CELSR1: variants seen among roughly 807,000 people sequenced by gnomAD.
CELSR1 encodes the protein cadherin EGF LAG seven-pass G-type receptor 1, also known as adhesion G protein-coupled receptor C1.
CELSR1 carries 110 observed loss-of-function variants against 249.1 expected under a neutral mutation model. The ratio of observed to expected loss-of-function variants is 0.44; its 90% CI spans 0.38 to 0.52. CELSR1 has a LOEUF of 0.52. CELSR1 is among the 20% of genes least tolerant of loss of function. The pLI is 0.00. For synonymous variants in CELSR1, 2,113 were observed against 1,900.0 expected (o/e 1.11, Z -2.92); for missense variants, 4,109 against 4,296.4 (o/e 0.96, Z 1.22).
chr22:46,441,769 A>AT lies in CELSR1; in HGVS notation c.4184-2359dup, dbSNP rs2079752725. Among the ~76,000 whole-genome samples, 1 of 152,204 alleles carries AT rather than the reference A, an allele frequency of 6.6e-6. No individual in the cohort carries two copies. On this transcript the variant is annotated intron_variant, in intron 2 of 34. Transcript: ENST00000674500. The surrounding 1 kb of genome is among the most constrained non-coding windows in gnomAD (Gnocchi z 6.1). ...GCATAGGGCTTCAATGTAGAAATTTATGAGGGCACCATTCTGTCCAGAGCA... is the reference window on the plus strand; with the variant it reads ...GCATAGGGCTTCAATGTAGAAATTTATTGAGGGCACCATTCTGTCCAGAGCA...
rs2078852768 is a variant in CELSR1, at chr22:46,371,678, T to C, written c.7759+1205A>G. 3.4e-5 allele frequency among the ~76,000 whole-genome samples: 5 copies of C among 146,414 alleles called. No homozygotes were observed. In the South Asian group the frequency reaches 1.1e-3, roughly 33 times the overall value. ...ACTCATCTCTCCATCCCTCCAACCA[T>C]CCTATTCATATCCACTGACTTATCC... On this transcript the variant is annotated intron_variant, in intron 25 of 34. Coordinates refer to ENST00000674500, the MANE Select transcript of CELSR1 (RefSeq NM_001378328.1).
chr22:46,413,391 A>G lies in CELSR1; in HGVS notation c.4612-1632T>C, dbSNP rs1312188927. On this transcript the variant is annotated intron_variant, in intron 5 of 34. Transcript: ENST00000674500. This position sits in a 1 kb window ranked among gnomAD's most constrained non-coding sequence, Gnocchi z 4.7. The stretch of plus-strand genomic sequence containing the variant: ...TGCAGTGGGCAGCCTGCACAACTGT[A>G]TGTGGCCACCCCAGCTGAGGCTTCT... Among the ~76,000 whole-genome samples the G allele has an allele frequency of 6.6e-6, 1 of 152,170 alleles. No individual in the cohort carries two copies. The highest frequency in any genetic ancestry group is 1.5e-5 in the Non-Finnish European group (1 of 68,018).
Position 46,434,011 on chromosome 22 carries a change from T to G in CELSR1, c.4523-530A>C, listed in dbSNP as rs890609956. Among the ~76,000 whole-genome samples the G allele has an allele frequency of 6.6e-6, 1 of 152,172 alleles. No homozygotes were observed. Among genetic ancestry groups the G allele is most frequent in the Non-Finnish European group, 1.5e-5 (1 of 68,042 alleles). The stretch of plus-strand genomic sequence containing the variant: ...TTCCTTTTCTAAATATGAAAAAATA[T>G]AAACACGGAAAACCCATCTGTCTGT... On this transcript the variant is annotated intron_variant, in intron 4 of 34. Coordinates refer to ENST00000674500, the MANE Select transcript of CELSR1 (RefSeq NM_001378328.1). This position sits in a 1 kb window ranked among gnomAD's most constrained non-coding sequence, Gnocchi z 4.9.
chr22:46,467,039 A>T (rs1342368235), intron 1 of CELSR1, among the ~76,000 whole-genome samples: 1 of 152,202 alleles, frequency 6.6e-6, no homozygotes, highest in Admixed American at 6.6e-5. Context: ...GAACTGTAAG[A>T]AAACAAGTGT....
intron 9 of CELSR1, among the ~76,000 whole-genome samples, chr22:46,403,971 CAAAAAAAAAA>C (rs756055741): frequency 2.1e-5 from 1 of 48,426 alleles, no homozygotes; most frequent in Non-Finnish European, 4.7e-5. Context: ...AACTCCGTCT[CAAAAAAAAAA>C]AAAAAAAAAG....
At chr22:46,424,126 G>A (rs2079511420) in intron 5 of CELSR1, among the ~76,000 whole-genome samples, 1 of 152,028 alleles carries the variant, frequency 6.6e-6, no homozygotes, top group Admixed American at 6.6e-5. Context: ...GAGTGCAGTG[G>A]TACAATCATG....
chr22:46,391,921 G>C lies in CELSR1; in HGVS notation c.5965-105C>G, dbSNP rs1339456552. The C allele has an allele frequency of 8.0e-7, 1 of 1,244,938 alleles. No homozygotes were observed. Among genetic ancestry groups the C allele is most frequent in the Non-Finnish European group, 1.1e-6 (1 of 906,778 alleles). The allele number at this position is 1,244,938 out of a possible 1,614,324, so 77.1% of individuals were successfully genotyped here. Reference sequence around the variant, plus strand: ...TCCAGACTCCCACCCGGGTGTGTGTGTTGGCCGCCAGCCATCCCACCCCTC... The same window carrying C: ...TCCAGACTCCCACCCGGGTGTGTGTCTTGGCCGCCAGCCATCCCACCCCTC... On this transcript the variant is annotated intron_variant, in intron 14 of 34. Coordinates refer to ENST00000674500, the MANE Select transcript of CELSR1 (RefSeq NM_001378328.1). The surrounding 1 kb of genome is among the most constrained non-coding windows in gnomAD (Gnocchi z 4.3).
chr22:46,475,667 G>T (rs976836572), intron 1 of CELSR1, among the ~76,000 whole-genome samples: 2 of 146,390 alleles, frequency 1.4e-5, no homozygotes, highest in Non-Finnish European at 3.0e-5. Context: ...AATGGGGGGG[G>T]AAGAAACAAG....
At chr22:46,513,570 G>C (rs2080595014) in intron 1 of CELSR1, among the ~76,000 whole-genome samples, 1 of 152,074 alleles carries the variant, frequency 6.6e-6, no homozygotes, top group South Asian at 2.1e-4. Context: ...TTACCATAAT[G>C]AGACACTGCC....
At chr22:46,462,105 T>TCTGCCTGC (rs1055128714) in intron 2 of CELSR1, among the ~76,000 whole-genome samples, 1 of 152,200 alleles carries the variant, frequency 6.6e-6, no homozygotes, top group African/African-American at 2.4e-5. Context: ...TCCCGCCGCC[T>TCTGCCTGC]CTGCCTGCCT....
At position 46,442,990 on chromosome 22, in the gene CELSR1, C is replaced by CGG. The variant is rs541811627; in HGVS notation, c.4184-3580_4184-3579insCC. On this transcript the variant is annotated intron_variant, in intron 2 of 34. Coordinates refer to ENST00000674500, the MANE Select transcript of CELSR1 (RefSeq NM_001378328.1). ...GCGGGCGCCTGTAGTCCCAGCTACTCAGGAGGCTGAGGCAGGAGAATGGCG... is the reference window on the plus strand; with the variant it reads ...GCGGGCGCCTGTAGTCCCAGCTACTCGGAGGAGGCTGAGGCAGGAGAATGGCG... Among the ~76,000 whole-genome samples, 1,313 of 151,934 alleles carry CGG rather than the reference C, an allele frequency of 8.6e-3. 18 individuals carry two copies. Among genetic ancestry groups the CGG allele is most frequent in the African/African-American group, 0.03 (1,252 of 41,434 alleles).
Position 46,428,262 on chromosome 22 carries a change from G to A in CELSR1, c.4611+5131C>T, listed in dbSNP as rs1254558787. On this transcript the variant is annotated intron_variant, in intron 5 of 34. Transcript: ENST00000674500. The surrounding 1 kb of genome is among the most constrained non-coding windows in gnomAD (Gnocchi z 5.7). The stretch of plus-strand genomic sequence containing the variant: ...CAGAACCAGAGGAAGCCAAATTGCC[G>A]AGGCAGAGTCCCAAGGACTCCAGCA... 1.3e-5 allele frequency among the ~76,000 whole-genome samples: 2 copies of A among 152,188 alleles called. No individual in the cohort carries two copies. Among genetic ancestry groups the A allele is most frequent in the East Asian group, 1.9e-4 (1 of 5,186 alleles).
intron 24 of CELSR1, among the ~76,000 whole-genome samples, chr22:46,376,681 T>C (rs959142212): frequency 2.6e-5 from 4 of 152,098 alleles, no homozygotes; most frequent in Admixed American, 2.0e-4. Flanking sequence ...TAAATCACTT[T>C]TGACAAGAGT....
At chr22:46,383,278 T>C (rs2078998862) in intron 20 of CELSR1, among the ~76,000 whole-genome samples, 1 of 152,238 alleles carries the variant, frequency 6.6e-6, no homozygotes, top group Non-Finnish European at 1.5e-5. Context: ...CTAACAACAT[T>C]TCCAATTTTA....
chr22:46,439,563 C>G, intron 2 of CELSR1, 152 bp from the exon 3 acceptor site: 1 of 652,008 alleles, frequency 1.5e-6, no homozygotes, highest in Non-Finnish European at 2.6e-6. Flanking sequence ...GTGACATGAA[C>G]AGAAACCCCT....
At chr22:46,444,686 A>T (rs2079797350) in intron 2 of CELSR1, among the ~76,000 whole-genome samples, 1 of 152,136 alleles carries the variant, frequency 6.6e-6, no homozygotes, top group Non-Finnish European at 1.5e-5. Context: ...GATGACCCCA[A>T]ACTGGAGGCT....
In CELSR1 at chr22:46,402,105, A is replaced by C. The variant is rs1216202302; in HGVS notation, c.5227-2203T>G. ...TCCATCTCAAAAACACACAAACAAA[A>C]AAGTCTGTGACTGCATTCAAGTGCT... On this transcript the variant is annotated intron_variant, in intron 9 of 34. Transcript: ENST00000674500. The surrounding 1 kb of genome is among the most constrained non-coding windows in gnomAD (Gnocchi z 5.0). Among the ~76,000 whole-genome samples the C allele has an allele frequency of 1.3e-5, 2 of 152,022 alleles. No homozygotes were observed. The highest frequency in any genetic ancestry group is 4.8e-5 in the African/African-American group (2 of 41,404).
In CELSR1 at chr22:46,518,209, C is replaced by T. The variant is rs1469004354; in HGVS notation, c.3544+15418G>A. On this transcript the variant is annotated intron_variant, in intron 1 of 34. Coordinates refer to ENST00000674500, the MANE Select transcript of CELSR1 (RefSeq NM_001378328.1). This position sits in a 1 kb window ranked among gnomAD's most constrained non-coding sequence, Gnocchi z 5.2. ...GCAGGCGTGAGCCACCACGCCTGGC[C>T]TCGGCATCCCCTTTCTAAAGGACAT... 1.3e-5 allele frequency among the ~76,000 whole-genome samples: 2 copies of T among 152,206 alleles called. No homozygotes were observed. Among genetic ancestry groups the T allele is most frequent in the South Asian group, 2.1e-4 (1 of 4,834 alleles).
chr22:46,379,054 G>A, intron 22 of CELSR1, among the ~76,000 whole-genome samples: 1 of 152,242 alleles, frequency 6.6e-6, no homozygotes, highest in Non-Finnish European at 1.5e-5. Context: ...GTGCCATCTA[G>A]CAGCAAAACT....
Sources: gnomAD v4.1 joint callset for allele counts (sites outside exome capture counted in the v4.1 genomes callset) on GRCh38, gnomAD v4.1.1 for gene constraint, Gnocchi (gnomAD v3.1) non-coding constraint, MANE v1.5 for transcripts, NCBI Gene and HGNC (gene_info 2026-07-23, HGNC 2026-07-21) for gene names.